The following LOXL2 variants were observed in gnomAD, a reference collection of about 807,000 sequenced individuals.
LOXL2 encodes the protein lysyl oxidase like 2.
LOXL2 carries 70 observed loss-of-function variants against 93.0 expected under a neutral mutation model. The observed-to-expected ratio is 0.75, with a 90% confidence interval of 0.62 to 0.92. The LOEUF (loss-of-function observed/expected upper bound fraction) is 0.92. Among genes scored for constraint, LOXL2 ranks in the 40% least tolerant of loss-of-function variants. The probability of loss-of-function intolerance (pLI) is 0.00; values close to 1 mark genes in which losing one functional copy is unlikely to be tolerated. For missense variants in LOXL2, 973 were observed against 1,054.9 expected (o/e 0.92, Z 1.08); for synonymous variants, 438 against 413.2 (o/e 1.06, Z -0.73).
At position 23,397,411 on chromosome 8, in the gene LOXL2, G is replaced by A. The variant is rs975409705; in HGVS notation, c.-84+6543C>T. ...CACAAAAGCAACCCAAAAAGCCTAT[G>A]TGGGTATATACTTAGGATCATGTGA... is the stretch of plus-strand genomic sequence containing the variant. On this transcript the variant is annotated intron_variant, in intron 1 of 13. Transcript: ENST00000389131. Among the ~76,000 whole-genome samples the A allele has an allele frequency of 1.4e-4, 22 of 152,198 alleles. 3 individuals are homozygous for A. Among genetic ancestry groups the A allele is most frequent in the Admixed American group, 1.2e-3 (18 of 15,290 alleles).
chr8:23,298,740 C>T (rs533486514), intron 13 of LOXL2, 96 bp downstream of exon 13: 41 of 736,038 alleles, frequency 5.6e-5, no homozygotes, highest in South Asian at 1.5e-4. Flanking sequence ...CTGCATTCCC[C>T]GAGCTCTTTA....
intron 9 of LOXL2, among the ~76,000 whole-genome samples, chr8:23,315,485 C>G (rs1036000725): frequency 3.9e-5 from 6 of 152,114 alleles, no homozygotes; most frequent in Non-Finnish European, 5.9e-5. Context: ...GAGAAATCGC[C>G]CCATGAAACT....
chr8:23,386,838 G>C (rs1477226669), intron 1 of LOXL2, among the ~76,000 whole-genome samples: 1 of 152,122 alleles, frequency 6.6e-6, no homozygotes, highest in Non-Finnish European at 1.5e-5. Context: ...GATCTCCGTA[G>C]CTCCCTCCAC....
intron 12 of LOXL2, among the ~76,000 whole-genome samples, chr8:23,301,753 G>C (rs1803135476): frequency 1.3e-5 from 2 of 152,218 alleles, no homozygotes; most frequent in African/African-American, 4.8e-5. Context: ...AATCTAGCCT[G>C]CTGATGAGTT....
At chr8:23,348,817 C>T (rs1418378806) in intron 3 of LOXL2, among the ~76,000 whole-genome samples, 7 of 152,034 alleles carry the variant, frequency 4.6e-5, no homozygotes, top group African/African-American at 1.5e-4. Context: ...GCGGAGCTTG[C>T]AGTGAGCTGA....
chr8:23,391,382 G>A (rs989286225), intron 1 of LOXL2, among the ~76,000 whole-genome samples: 5 of 152,124 alleles, frequency 3.3e-5, no homozygotes, highest in Middle Eastern at 3.2e-3. Context: ...TTCTTCACGG[G>A]CTACATCAGA....
At chr8:23,383,729 C>T (rs533047999) in intron 1 of LOXL2, among the ~76,000 whole-genome samples, 26 of 141,222 alleles carry the variant, frequency 1.8e-4, no homozygotes, top group Middle Eastern at 7.9e-3. Flanking sequence ...GGCGCAATCT[C>T]GGCTCACTGC....
intron 3 of LOXL2, among the ~76,000 whole-genome samples, chr8:23,351,112 C>CT (rs1804086221): frequency 2.6e-5 from 4 of 152,214 alleles, no homozygotes; most frequent in African/African-American, 9.6e-5. Flanking sequence ...CCATCACTCC[C>CT]TTTATCCTCA....
At chr8:23,326,202 T>G (rs1057166034) in intron 6 of LOXL2, among the ~76,000 whole-genome samples, 1 of 152,186 alleles carries the variant, frequency 6.6e-6, no homozygotes, top group Non-Finnish European at 1.5e-5. Flanking sequence ...GAGATATCAA[T>G]CATCCACTGC....
At chr8:23,351,736 C>T (rs1804096442) in intron 3 of LOXL2, among the ~76,000 whole-genome samples, 1 of 152,196 alleles carries the variant, frequency 6.6e-6, no homozygotes, top group South Asian at 2.1e-4. Flanking sequence ...GAAAATAGGT[C>T]ACCTTAGAAC....
intron 6 of LOXL2, among the ~76,000 whole-genome samples, chr8:23,324,103 C>T (rs1803541695): frequency 6.6e-6 from 1 of 152,186 alleles, no homozygotes; most frequent in Non-Finnish European, 1.5e-5. Flanking sequence ...GGCTGAAAAG[C>T]ACTCAAACAG....
At chr8:23,373,057 T>C in intron 1 of LOXL2, among the ~76,000 whole-genome samples, 1 of 152,184 alleles carries the variant, frequency 6.6e-6, no homozygotes, top group East Asian at 1.9e-4. Context: ...AAACCATTAA[T>C]AAAAGAACAA....
At position 23,388,623 on chromosome 8, in the gene LOXL2, T is replaced by A. The variant is rs889213223; in HGVS notation, c.-84+15331A>T. 9.0e-4 allele frequency among the ~76,000 whole-genome samples: 128 copies of A among 142,898 alleles called. No individual in the cohort carries two copies. The South Asian group carries it at 0.012, about 14-fold the overall frequency. 93.7% of individuals were successfully genotyped at this position (142,898 alleles called of 152,430 possible). On this transcript the variant is annotated intron_variant, in intron 1 of 13. Coordinates refer to ENST00000389131, the MANE Select transcript of LOXL2 (RefSeq NM_002318.3). ...CAAAAACAAAAAGCAAAAAATATAC[T>A]CACACACACACACACACACACACAC...
intron 1 of LOXL2, among the ~76,000 whole-genome samples, chr8:23,384,685 G>C (rs368850629): frequency 7.9e-5 from 12 of 152,268 alleles, no homozygotes; most frequent in African/African-American, 2.6e-4. Flanking sequence ...AGGCCGAGGC[G>C]GGCGGATCAC....
intron 1 of LOXL2, among the ~76,000 whole-genome samples, chr8:23,380,765 G>A (rs968586365): frequency 6.6e-6 from 1 of 152,184 alleles, no homozygotes; most frequent in Non-Finnish European, 1.5e-5. Context: ...TGTAATCCCA[G>A]CATTTTGGGA....
At chr8:23,368,490 T>C (rs1804449249) in intron 1 of LOXL2, 56 bp from the exon 2 acceptor site, 8 of 699,542 alleles carry the variant, frequency 1.1e-5, no homozygotes, top group Admixed American at 2.3e-5. Flanking sequence ...GAGACCTACA[T>C]AGAGAACCAG....
In LOXL2 at chr8:23,333,178, G is replaced by A. The variant is rs77812788; in HGVS notation, c.966+223C>T. Among the ~76,000 whole-genome samples the A allele has an allele frequency of 8.4e-3, 1,279 of 152,252 alleles. 79 individuals are homozygous for A. In the East Asian group the frequency reaches 0.16, roughly 19 times the overall value. On this transcript the variant is annotated intron_variant, in intron 5 of 13. Transcript: ENST00000389131. ...CATCGTCTGCTCCTGCTGGGTAAGC[G>A]GACAGCGCACCAACAGCCTGTGACA... is the stretch of plus-strand genomic sequence containing the variant.
rs190196707 is a variant in LOXL2, at chr8:23,372,464, C to T, written c.-83-4030G>A. 1.3e-3 allele frequency among the ~76,000 whole-genome samples: 192 copies of T among 152,158 alleles called. 2 individuals carry two copies. The East Asian group carries it at 0.019, about 15-fold the overall frequency. On this transcript the variant is annotated intron_variant, in intron 1 of 13. Transcript: ENST00000389131. ...AACCCCTGACCTCAAGTGATCCATC[C>T]GCCTCAGCCTCCCAAAGTGCTGGGA...
chr8:23,333,622 T>C lies in LOXL2; in HGVS notation c.745A>G (p.Met249Val). The C allele has an allele frequency of 6.2e-7, 1 of 1,611,874 alleles. No homozygotes were observed. The highest frequency in any genetic ancestry group is 8.5e-7 in the Non-Finnish European group (1 of 1,178,724). Residue 249 changes from methionine (M) to valine (V), a missense_variant and splice_region_variant, in exon 5 of 14, where the codon ATG becomes GTG. Met to Val is a conservative substitution (Grantham distance 21, BLOSUM62 1). Transcript: ENST00000389131. ...CGCTGCTTCCTCCGTGAGGCAAACA[T>C]TCTGCAGACGATGGGAGGGGACAGG... ...ERTYNTKVYK[M>V]FASRRKQRYW...
Sources: gnomAD v4.1 joint callset for allele counts (sites outside exome capture counted in the v4.1 genomes callset) on GRCh38, gnomAD v4.1.1 for gene constraint, MANE v1.5 for transcripts, NCBI Gene and HGNC (gene_info 2026-07-23, HGNC 2026-07-21) for gene names.